The following EPHA6 variants were observed in gnomAD, a reference collection of about 807,000 sequenced individuals.
The protein encoded by EPHA6 is ephrin type-A receptor 6.
EPHA6 carries 50 observed loss-of-function variants against 112.0 expected under a neutral mutation model. The ratio of observed to expected loss-of-function variants is 0.45; its 90% confidence interval spans 0.36 to 0.56. EPHA6 has a LOEUF of 0.56. EPHA6 is among the 20% of genes least tolerant of loss of function. The pLI is 0.00. For missense variants in EPHA6, 1,280 were observed against 1,417.4 expected (o/e 0.90, Z 1.56); for synonymous variants, 529 against 490.7 (o/e 1.08, Z -1.03).
intron 14 of EPHA6, among the ~76,000 whole-genome samples, chr3:97,643,555 T>G (rs2094029240): frequency 6.8e-6 from 1 of 146,698 alleles, no homozygotes; most frequent in Admixed American, 6.7e-5. Flanking sequence ...CCATCTCACG[T>G]GCAGAGACAC....
At chr3:97,014,852 G>A (rs1284592932) in intron 3 of EPHA6, among the ~76,000 whole-genome samples, 2 of 152,082 alleles carry the variant, frequency 1.3e-5, no homozygotes, top group Non-Finnish European at 2.9e-5. Context: ...CTGTCTGATG[G>A]CCATGGAGTA....
intron 5 of EPHA6, among the ~76,000 whole-genome samples, chr3:97,257,848 A>C (rs889988197): frequency 2.0e-5 from 3 of 152,076 alleles, no homozygotes; most frequent in Admixed American, 1.3e-4. Context: ...AATGTTTACA[A>C]TATTGTGTTA....
chr3:97,484,023 C>A lies in EPHA6; in HGVS notation c.2164C>A (p.Pro722Thr). The change falls in exon 10 of 18, where the codon CCC (proline) becomes ACC (threonine). Residue 722 changes from proline to threonine, a missense_variant. This residue lies in a region of EPHA6 where 878 missense variants were observed against 999.7 expected (regional missense o/e 0.88). Transcript: ENST00000389672. ...AVHEFAKEIDPSRIRIERVIG... is the reference protein window; with the variant it reads ...AVHEFAKEIDTSRIRIERVIG... ...CCATGAATTTGCAAAGGAGATTGATCCCTCAAGAATTCGTATTGAGAGAGT... is the reference window on the plus strand; with the variant it reads ...CCATGAATTTGCAAAGGAGATTGATACCTCAAGAATTCGTATTGAGAGAGT... 3.1e-6 allele frequency: 5 copies of A among 1,609,812 alleles called. No individual in the cohort carries two copies. Among genetic ancestry groups the A allele is most frequent in the Non-Finnish European group, 4.2e-6 (5 of 1,178,012 alleles).
chr3:96,932,787 T>C (rs1325209341), intron 2 of EPHA6, among the ~76,000 whole-genome samples: 1 of 152,224 alleles, frequency 6.6e-6, no homozygotes, highest in Admixed American at 6.5e-5. Flanking sequence ...TAGTGTGTTT[T>C]TGTTTTTTGG....
At chr3:97,731,731 T>A (rs914244637) in intron 15 of EPHA6, among the ~76,000 whole-genome samples, 1 of 152,074 alleles carries the variant, frequency 6.6e-6, no homozygotes, top group South Asian at 2.1e-4. Context: ...AGCTCAGAAC[T>A]TGACACATAA....
chr3:97,474,289 T>C (rs1427363583), intron 7 of EPHA6, among the ~76,000 whole-genome samples: 1 of 151,884 alleles, frequency 6.6e-6, no homozygotes, highest in African/African-American at 2.4e-5. Flanking sequence ...TTTTCTCCAA[T>C]AGCTGATAAG....
chr3:97,490,822 C>T (rs1318640830), intron 10 of EPHA6, among the ~76,000 whole-genome samples: 2 of 152,214 alleles, frequency 1.3e-5, no homozygotes, highest in African/African-American at 4.8e-5. Flanking sequence ...TGCACAGTTG[C>T]TCACAAGGTT....
rs1442084112 is a variant in EPHA6, at chr3:97,759,485, TGA to T, written c.*10785_*10786del. 15 of 230,006 alleles carry T rather than the reference TGA, an allele frequency of 6.5e-5. No individual in the cohort carries two copies. Among genetic ancestry groups the T allele is most frequent in the Middle Eastern group, 1.3e-3 (1 of 760 alleles). 14.2% of individuals were successfully genotyped at this position (230,006 alleles called of 1,614,324 possible). A position where few individuals can be genotyped will look rare whatever the true frequency, so the allele number is the denominator to read the frequency against. On this transcript the variant is annotated 3_prime_UTR_variant, in exon 18 of 18. Transcript: ENST00000389672. Reference sequence around the variant, plus strand: ...ATGCTACAGCATATTTATCTACTAATGAAAATGACTTGGCAGACAGGGGAAAA... The same window carrying T: ...ATGCTACAGCATATTTATCTACTAATAAATGACTTGGCAGACAGGGGAAAA...
chr3:96,983,991 G>C (rs2042918048), intron 2 of EPHA6, among the ~76,000 whole-genome samples: 1 of 152,072 alleles, frequency 6.6e-6, no homozygotes, highest in South Asian at 2.1e-4. Context: ...CTTTGCGATG[G>C]GTTCTAACTT....
intron 2 of EPHA6, among the ~76,000 whole-genome samples, chr3:96,941,633 G>A (rs1197804290): frequency 6.6e-6 from 1 of 152,190 alleles, no homozygotes; most frequent in African/African-American, 2.4e-5. Flanking sequence ...TTGTTCCATT[G>A]CTGGTGAGGA....
chr3:97,175,920 A>T (rs1441666207), intron 3 of EPHA6, among the ~76,000 whole-genome samples: 1 of 151,746 alleles, frequency 6.6e-6, no homozygotes, highest in African/African-American at 2.4e-5. Flanking sequence ...ATTGCTCTAG[A>T]TAGGCCTTCC....
intron 3 of EPHA6, among the ~76,000 whole-genome samples, chr3:97,072,035 A>G (rs1214688209): frequency 1.3e-5 from 2 of 152,046 alleles, no homozygotes; most frequent in African/African-American, 2.4e-5. Flanking sequence ...CAGCAGTTCC[A>G]CTACTGGCTC....
At chr3:97,044,664 G>C (rs2045439681) in intron 3 of EPHA6, among the ~76,000 whole-genome samples, 1 of 151,820 alleles carries the variant, frequency 6.6e-6, no homozygotes, top group African/African-American at 2.4e-5. Context: ...AAACATTGAA[G>C]GAGAGGATAA....
intron 3 of EPHA6, among the ~76,000 whole-genome samples, chr3:97,175,711 A>G (rs2108438704): frequency 6.6e-6 from 1 of 152,034 alleles, no homozygotes; most frequent in East Asian, 1.9e-4. Context: ...GGCAGATAAG[A>G]ATGCTATTGA....
At chr3:97,091,396 TAAG>T (rs887785352) in intron 3 of EPHA6, among the ~76,000 whole-genome samples, 3 of 152,268 alleles carry the variant, frequency 2.0e-5, no homozygotes, top group East Asian at 3.9e-4. Context: ...TCGGTGTTTT[TAAG>T]AAGATTACAT....
chr3:96,881,340 A>G (rs747485322), intron 2 of EPHA6, among the ~76,000 whole-genome samples: 2 of 152,170 alleles, frequency 1.3e-5, no homozygotes, highest in East Asian at 3.9e-4. Flanking sequence ...GAAGCCTCAC[A>G]TTCATGGTGG....
chr3:97,442,453 G>C (rs1287914740), intron 6 of EPHA6, among the ~76,000 whole-genome samples: 2 of 152,052 alleles, frequency 1.3e-5, no homozygotes, highest in Non-Finnish European at 2.9e-5. Flanking sequence ...AAGTGTGGTG[G>C]CACGTGCCTG....
At chr3:97,214,512 A>C (rs2077977929) in intron 3 of EPHA6, among the ~76,000 whole-genome samples, 1 of 150,902 alleles carries the variant, frequency 6.6e-6, no homozygotes, top group South Asian at 2.1e-4. Flanking sequence ...AAAGAAAATT[A>C]GTGGTATTTC....
chr3:97,544,975 T>G (rs886184317), intron 11 of EPHA6, among the ~76,000 whole-genome samples: 1 of 152,248 alleles, frequency 6.6e-6, no homozygotes, highest in South Asian at 2.1e-4. Context: ...TTAGGCTTGC[T>G]AGTGGTCTAT....
Sources: gnomAD v4.1 joint callset for allele counts (sites outside exome capture counted in the v4.1 genomes callset) on GRCh38, gnomAD v4.1.1 for gene constraint, gnomAD v4.1.1 regional missense constraint, MANE v1.5 for transcripts, NCBI Gene and HGNC (gene_info 2026-07-23, HGNC 2026-07-21) for gene names.